Variants in SLC38A10 observed in about 807,000 individuals in gnomAD.
SLC38A10 encodes Sodium-coupled neutral amino acid transporter 10.
In SLC38A10, 53 loss-of-function variants were observed where a neutral mutation model predicts 81.0. That is an observed-to-expected ratio of 0.65 (90% CI 0.53 to 0.82). The LOEUF is 0.82. SLC38A10 is among the 40% of genes least tolerant of loss of function. The probability of loss-of-function intolerance (pLI) is 0.00; values close to 1 mark genes in which losing one functional copy is unlikely to be tolerated. For missense variants in SLC38A10, 1,471 were observed against 1,545.0 expected, an observed-to-expected ratio of 0.95 and a Z score of 0.80; for synonymous variants, 665 against 655.3, an observed-to-expected ratio of 1.01 and a Z score of -0.23.
In SLC38A10 at chr17:81,283,185, T is replaced by C. The variant is rs1308419201; in HGVS notation, c.357+224A>G. Reference sequence around the variant, plus strand: ...CTGAGGCTCCCCCACCCGCCCCTCATCTACATGGTGTCAGACTCTGCCTGG... The same window carrying C: ...CTGAGGCTCCCCCACCCGCCCCTCACCTACATGGTGTCAGACTCTGCCTGG... On this transcript the variant is annotated intron_variant, in intron 4 of 15. Coordinates refer to ENST00000374759, the MANE Select transcript of SLC38A10 (RefSeq NM_001037984.3). The surrounding 1 kb of genome is among the most constrained non-coding windows in gnomAD (Gnocchi z 4.7). Among the ~76,000 whole-genome samples the C allele has an allele frequency of 6.6e-6, 1 of 151,896 alleles. No homozygotes were observed. The highest frequency in any genetic ancestry group is 1.5e-5 in the Non-Finnish European group (1 of 67,960).
intron 11 of SLC38A10, among the ~76,000 whole-genome samples, chr17:81,257,219 A>G (rs1290991358): frequency 3.4e-4 from 52 of 152,244 alleles, no homozygotes; most frequent in Non-Finnish European, 5.9e-5. Flanking sequence ...TTCCAGGCTC[A>G]AGCGATCCTC....
Position 81,283,636 on chromosome 17 carries a change from CAG to C in SLC38A10, c.264-136_264-135del. On this transcript the variant is annotated intron_variant, in intron 3 of 15. Coordinates refer to ENST00000374759, the MANE Select transcript of SLC38A10 (RefSeq NM_001037984.3). This position sits in a 1 kb window ranked among gnomAD's most constrained non-coding sequence, Gnocchi z 4.7. ...TTTTTTCTTTTTTTTTTTTTTGAAA[CAG>C]AGTCTCACTCTGTCGCCCAGGCTGG... 5.4e-6 allele frequency: 3 copies of C among 555,446 alleles called. No homozygotes were observed. The highest frequency in any genetic ancestry group is 9.3e-6 in the Non-Finnish European group (3 of 322,490). The allele number at this position is 555,446 out of a possible 1,614,324, so 34.4% of individuals were successfully genotyped here. A position where few individuals can be genotyped will look rare whatever the true frequency, so the allele number is the denominator to read the frequency against.
chr17:81,258,241 G>C (rs1444404314), intron 11 of SLC38A10, among the ~76,000 whole-genome samples: 1 of 152,192 alleles, frequency 6.6e-6, no homozygotes, highest in East Asian at 1.9e-4. Context: ...CAGTCTGACA[G>C]GGAGCGCACA....
At position 81,253,920 on chromosome 17, in the gene SLC38A10, TACC is replaced by T. The variant is rs1051173015; in HGVS notation, c.1289-683_1289-681del. Among the ~76,000 whole-genome samples, 4 of 148,842 alleles carry T rather than the reference TACC, an allele frequency of 2.7e-5. No individual in the cohort carries two copies. Among genetic ancestry groups the T allele is most frequent in the African/African-American group, 7.5e-5 (3 of 40,002 alleles). ...CCATCACCACCATCACTGCCAACCC[TACC>T]ATCATTGCCATCACCTCCATTATCG... is the stretch of plus-strand genomic sequence containing the variant. On this transcript the variant is annotated intron_variant, in intron 11 of 15. Transcript: ENST00000374759. This position sits in a 1 kb window ranked among gnomAD's most constrained non-coding sequence, Gnocchi z 4.1.
At chr17:81,268,100 G>A (rs530293617) in intron 10 of SLC38A10, among the ~76,000 whole-genome samples, 2 of 151,580 alleles carry the variant, frequency 1.3e-5, no homozygotes, top group Admixed American at 6.6e-5. Flanking sequence ...GATGATGAAC[G>A]CCAAGCAGAA....
At chr17:81,263,109 G>A (rs979388479) in intron 10 of SLC38A10, 2 of 152,152 alleles carry the variant, frequency 1.3e-5, no homozygotes, top group Non-Finnish European at 2.9e-5. Flanking sequence ...GCTCCCGAAC[G>A]GCTGCACAGG....
At chr17:81,250,152 C>T in intron 14 of SLC38A10, 1 of 1,268,868 alleles carries the variant, frequency 7.9e-7, no homozygotes, top group Non-Finnish European at 1.0e-6. Context: ...CGTGAAAAGT[C>T]TTTTTCAGAA....
intron 11 of SLC38A10, among the ~76,000 whole-genome samples, chr17:81,256,779 C>T (rs2062976734): frequency 1.3e-5 from 2 of 152,280 alleles, no homozygotes; most frequent in South Asian, 2.1e-4. Flanking sequence ...CTTGGCTTTA[C>T]AGCCCAATCT....
chr17:81,282,420 G>C, intron 4 of SLC38A10, 88 bp from the exon 5 acceptor site: 1 of 1,509,932 alleles, frequency 6.6e-7, no homozygotes, highest in Non-Finnish European at 8.9e-7. Context: ...GGAGCGCCCC[G>C]AGCCCGAAAG....
At chr17:81,285,924 C>G (rs948050422) in intron 2 of SLC38A10, among the ~76,000 whole-genome samples, 1 of 152,226 alleles carries the variant, frequency 6.6e-6, no homozygotes, top group Admixed American at 6.5e-5. Flanking sequence ...GCAGCAAAGA[C>G]CCCACCTCCA....
intron 10 of SLC38A10, among the ~76,000 whole-genome samples, chr17:81,261,931 C>G (rs1167687963): frequency 6.6e-6 from 1 of 152,240 alleles, no homozygotes; most frequent in Non-Finnish European, 1.5e-5. Flanking sequence ...GCCCACAGAG[C>G]TCTGCCCCGC....
In SLC38A10 at chr17:81,288,455, C is replaced by T. The variant is rs2063285543; in HGVS notation, c.217+1236G>A. On this transcript the variant is annotated intron_variant, in intron 2 of 15. Transcript: ENST00000374759. This position sits in a 1 kb window ranked among gnomAD's most constrained non-coding sequence, Gnocchi z 5.4. The stretch of plus-strand genomic sequence containing the variant: ...GGGCCAACTCCTGAGAACACGGATG[C>T]TGGAATTTCAACACCCAGGCTGGAT... Among the ~76,000 whole-genome samples, 1 of 152,134 alleles carries T rather than the reference C, an allele frequency of 6.6e-6. No homozygotes were observed. The highest frequency in any genetic ancestry group is 2.1e-4 in the South Asian group (1 of 4,828).
chr17:81,250,700 G>A (rs1207399975), intron 14 of SLC38A10, among the ~76,000 whole-genome samples: 1 of 152,188 alleles, frequency 6.6e-6, no homozygotes, highest in African/African-American at 2.4e-5. Flanking sequence ...TGGTGAGCGG[G>A]GGCCCAGCCA....
At position 81,286,853 on chromosome 17, in the gene SLC38A10, C is replaced by G. The variant is rs9914093; in HGVS notation, c.218-1958G>C. Reference sequence around the variant, plus strand: ...GAGGCCGCGTGGGGGCCAAACAGTCCCTGCTGCTGGGGGAGGCGGTTTCTA... The same window carrying G: ...GAGGCCGCGTGGGGGCCAAACAGTCGCTGCTGCTGGGGGAGGCGGTTTCTA... On this transcript the variant is annotated intron_variant, in intron 2 of 15. Transcript: ENST00000374759. This position sits in a 1 kb window ranked among gnomAD's most constrained non-coding sequence, Gnocchi z 6.0. Among the ~76,000 whole-genome samples, 91,889 of 151,940 alleles carry G rather than the reference C, an allele frequency of 0.6. 29,697 individuals carry two copies. The highest frequency in any genetic ancestry group is 0.85 in the African/African-American group (35,198 of 41,454).
At chr17:81,263,229 G>T (rs576722520) in intron 10 of SLC38A10, 1 of 152,228 alleles carries the variant, frequency 6.6e-6, no homozygotes, top group Non-Finnish European at 1.5e-5. Flanking sequence ...TGAGGTCACC[G>T]TACACAGGGA....
chr17:81,274,893 C>A (rs566077967), intron 8 of SLC38A10, among the ~76,000 whole-genome samples: 10 of 152,280 alleles, frequency 6.6e-5, no homozygotes, highest in African/African-American at 2.2e-4. Flanking sequence ...TGAAAAAACC[C>A]AGCCTCACTT....
intron 10 of SLC38A10, among the ~76,000 whole-genome samples, chr17:81,262,635 C>T (rs2063033897): frequency 6.6e-6 from 1 of 152,154 alleles, no homozygotes; most frequent in South Asian, 2.1e-4. Flanking sequence ...GGTGAGAGTA[C>T]CTAAATGGGA....
chr17:81,256,593 T>A (rs1168920413), intron 11 of SLC38A10, among the ~76,000 whole-genome samples: 1 of 152,246 alleles, frequency 6.6e-6, no homozygotes, highest in Non-Finnish European at 1.5e-5. Context: ...TCCACTCAAG[T>A]GCCGCCCCAA....
In SLC38A10 at chr17:81,281,131, A is replaced by G. The variant is rs1448786857; in HGVS notation, c.502-398T>C. ...ACTGTGTTAGACATGGACATTTTCCAAAAGACTGGCCCACCAGGACGCGGC... is the reference window on the plus strand; with the variant it reads ...ACTGTGTTAGACATGGACATTTTCCGAAAGACTGGCCCACCAGGACGCGGC... On this transcript the variant is annotated intron_variant, in intron 5 of 15. Coordinates refer to ENST00000374759, the MANE Select transcript of SLC38A10 (RefSeq NM_001037984.3). This position sits in a 1 kb window ranked among gnomAD's most constrained non-coding sequence, Gnocchi z 5.3. Among the ~76,000 whole-genome samples the G allele has an allele frequency of 6.6e-6, 1 of 152,186 alleles. No individual in the cohort carries two copies. Among genetic ancestry groups the G allele is most frequent in the African/African-American group, 2.4e-5 (1 of 41,432 alleles).
Sources: allele counts gnomAD v4.1 joint callset (sites outside exome capture counted in the v4.1 genomes callset), GRCh38; gene constraint gnomAD v4.1.1; non-coding constraint Gnocchi (gnomAD v3.1); transcripts MANE v1.5; gene names NCBI Gene and HGNC (gene_info 2026-07-23, HGNC 2026-07-21).